Variants in HUWE1 observed in about 807,000 individuals in gnomAD.
HUWE1 encodes HECT, UBA and WWE domain containing E3 ubiquitin protein ligase 1, also known as E3 ubiquitin-protein ligase HUWE1.
Under a neutral mutation model 299.4 loss-of-function variants are expected in HUWE1, and 18 were observed. That is an observed-to-expected ratio of 0.06 (90% confidence interval 0.04 to 0.09). HUWE1 has a LOEUF of 0.09. Ranked by LOEUF, HUWE1 falls within the 10% of genes least tolerant of loss-of-function variation. The pLI is 1.00. For synonymous variants in HUWE1, 1,317 were observed against 1,286.1 expected, an observed-to-expected ratio of 1.02 and a Z score of -0.51; for missense variants, 1,832 against 3,462.3, an observed-to-expected ratio of 0.53 and a Z score of 11.82.
intron 3 of HUWE1, among the ~76,000 whole-genome samples, chrX:53,673,441 T>C (rs1440738896): frequency 1.8e-5 from 2 of 111,591 alleles, no homozygotes; most frequent in African/African-American, 6.5e-5. Flanking sequence ...ACACACCTTA[T>C]ACATACAGCC....
At chrX:53,587,713 G>A (rs1437972953) in intron 37 of HUWE1, among the ~76,000 whole-genome samples, 1 of 111,584 alleles carries the variant, frequency 9.0e-6, no homozygotes, top group Non-Finnish European at 1.9e-5. Context: ...CTGTTACACA[G>A]TTTGACTCTT....
intron 7 of HUWE1, among the ~76,000 whole-genome samples, chrX:53,635,312 T>C (rs1480710070): frequency 9.1e-6 from 1 of 110,478 alleles, no homozygotes; most frequent in African/African-American, 3.3e-5. Flanking sequence ...TGTAGCTATA[T>C]ATGAAGAGAG....
In HUWE1 at chrX:53,532,517, T is replaced by C. The variant is rs1263999853; in HGVS notation, c.*792A>G. On this transcript the variant is annotated 3_prime_UTR_variant, in exon 84 of 84. Transcript: ENST00000262854. ...GGTGATGCTTTGTCCTGGGCTGCAA[T>C]CTCTAACACCATCACCATCCCCAAG... is the stretch of plus-strand genomic sequence containing the variant. The C allele has an allele frequency of 9.3e-5, 10 of 107,840 alleles. No homozygotes were observed. Among genetic ancestry groups the C allele is most frequent in the Admixed American group, 6.0e-4 (6 of 10,028 alleles). 8.9% of individuals were successfully genotyped at this position (107,840 alleles called of 1,213,427 possible). A position where few individuals can be genotyped will look rare whatever the true frequency, so the allele number is the denominator to read the frequency against.
intron 47 of HUWE1, among the ~76,000 whole-genome samples, chrX:53,570,216 C>A (rs1022371517): frequency 8.9e-6 from 1 of 112,281 alleles, no homozygotes; most frequent in Non-Finnish European, 1.9e-5. Context: ...TCTCAAACTC[C>A]TGTGTGTGTG....
At chrX:53,572,192 A>G (rs1360784260) in intron 47 of HUWE1, among the ~76,000 whole-genome samples, 1 of 111,964 alleles carries the variant, frequency 8.9e-6, no homozygotes, top group Non-Finnish European at 1.9e-5. Context: ...CAGGCAAAAA[A>G]GAGAGTACAT....
intron 34 of HUWE1, 49 bp from the exon 35 acceptor site, chrX:53,590,548 A>T: frequency 1.1e-6 from 1 of 944,303 alleles, no homozygotes; most frequent in Non-Finnish European, 1.5e-6. Flanking sequence ...CAAAACAAAG[A>T]AACCCAACAA....
chrX:53,539,128 A>G, intron 75 of HUWE1, 48 bp from the exon 76 acceptor site: 1 of 1,141,058 alleles, frequency 8.8e-7, no homozygotes, highest in Non-Finnish European at 1.2e-6. Context: ...TGCAAACTTC[A>G]ACATGCAAAC....
intron 7 of HUWE1, among the ~76,000 whole-genome samples, chrX:53,637,500 T>C (rs979122574): frequency 8.9e-5 from 10 of 112,739 alleles, no homozygotes; most frequent in Non-Finnish European, 1.9e-4. Flanking sequence ...AGGCTGTGTA[T>C]CTACACAATT....
At chrX:53,625,511 CT>C (rs1168812747) in intron 17 of HUWE1, 237 of 284,545 alleles carry the variant, frequency 8.3e-4, no homozygotes, top group Middle Eastern at 2.0e-3. Context: ...AAAGGTTCAA[CT>C]TTTTTTTTAC....
At chrX:53,611,311 A>G (rs984094212) in intron 23 of HUWE1, among the ~76,000 whole-genome samples, 3 of 111,344 alleles carry the variant, frequency 2.7e-5, no homozygotes, top group Non-Finnish European at 5.7e-5. Flanking sequence ...AATACTACTC[A>G]GCAATGAAAA....
At chrX:53,609,588 G>A (rs2065334879) in intron 23 of HUWE1, among the ~76,000 whole-genome samples, 1 of 112,443 alleles carries the variant, frequency 8.9e-6, no homozygotes, top group Non-Finnish European at 1.9e-5. Context: ...CAGCAGATGA[G>A]AAGGCTACAA....
At chrX:53,605,671 A>G (rs1222528285) in intron 25 of HUWE1, among the ~76,000 whole-genome samples, 1 of 112,107 alleles carries the variant, frequency 8.9e-6, no homozygotes, top group African/African-American at 3.2e-5. Flanking sequence ...GCAGAAATAG[A>G]AAAATCCCTT....
At chrX:53,660,250 CT>C (rs1178420605) in intron 3 of HUWE1, among the ~76,000 whole-genome samples, 1 of 111,917 alleles carries the variant, frequency 8.9e-6, no homozygotes, top group Non-Finnish European at 1.9e-5. Flanking sequence ...CTCTGGATGC[CT>C]AGAAACTATG....
chrX:53,631,477 T>C lies in HUWE1; in HGVS notation c.699A>G (p.Ser233=). The change falls in exon 11 of 84, where the codon TCA becomes TCG. Residue 233 remains serine (S), a synonymous_variant. Transcript: ENST00000262854. ...ATTCCATGATTTCAGAAGGGCTTTC[T>C]GAAATCTACATTAAAAAAAAAGATA... ...YIHIEQLDKI[S]ESPSEIMESL... 6 of 1,193,767 alleles carry C rather than the reference T, an allele frequency of 5.0e-6. No homozygotes were observed. Among genetic ancestry groups the C allele is most frequent in the Non-Finnish European group, 6.8e-6 (6 of 879,713 alleles).
chrX:53,680,763 G>A (rs1190655754), intron 2 of HUWE1: 1 of 112,149 alleles, frequency 8.9e-6, no homozygotes, highest in Non-Finnish European at 1.9e-5. Context: ...TGCTCAATAA[G>A]GGTCAAATTG....
chrX:53,577,406 G>A (rs1428202906), intron 43 of HUWE1, among the ~76,000 whole-genome samples: 2 of 82,082 alleles, frequency 2.4e-5, no homozygotes, highest in Non-Finnish European at 5.3e-5. Context: ...ACAGGGGCAG[G>A]CACATAGCTG....
intron 2 of HUWE1, among the ~76,000 whole-genome samples, chrX:53,681,326 C>G (rs1359195330): frequency 1.9e-5 from 2 of 107,403 alleles, no homozygotes; most frequent in Non-Finnish European, 3.8e-5. Flanking sequence ...CCCAGCTACT[C>G]GGGAGGCTGA....
chrX:53,684,117 A>G (rs2070345937), intron 2 of HUWE1: 1 of 242,499 alleles, frequency 4.1e-6, no homozygotes, highest in Non-Finnish European at 7.5e-6. Context: ...GCTTCACCCT[A>G]CGCGAAGCGA....
intron 62 of HUWE1, 49 bp downstream of exon 62, chrX:53,552,589 G>A (rs1293031770): frequency 2.4e-5 from 29 of 1,208,185 alleles, no homozygotes; most frequent in Non-Finnish European, 3.1e-5. Flanking sequence ...AATGTGCTTT[G>A]AAAGACCCTC....
Sources: allele counts gnomAD v4.1 joint callset (sites outside exome capture counted in the v4.1 genomes callset), GRCh38; gene constraint gnomAD v4.1.1; transcripts MANE v1.5; gene names NCBI Gene and HGNC (gene_info 2026-07-23, HGNC 2026-07-21).